Variants in ABCC11 observed in about 807,000 individuals in gnomAD.
The protein encoded by ABCC11 is ATP binding cassette subfamily C member 11.
In ABCC11, 135 loss-of-function variants were observed where a neutral mutation model predicts 149.3. That is an observed-to-expected ratio of 0.90 (90% CI 0.79 to 1.04). ABCC11 has a LOEUF of 1.04. Among genes scored for constraint, ABCC11 ranks in the 50% least tolerant of loss-of-function variants. The probability of loss-of-function intolerance (pLI) is 0.00; values close to 1 mark genes in which losing one functional copy is unlikely to be tolerated. For missense variants in ABCC11, 1,680 were observed against 1,722.1 expected (o/e 0.98, Z 0.43); for synonymous variants, 665 against 671.4 (o/e 0.99, Z 0.15).
intron 21 of ABCC11, 34 bp from the exon 22 acceptor site, chr16:48,187,124 G>A (rs764338896): frequency 4.6e-5 from 75 of 1,613,918 alleles, no homozygotes; most frequent in East Asian, 3.1e-4. Context: ...GACCTGGACC[G>A]TCCACCTCTG....
chr16:48,243,603 C>T (rs1005672186), intron 1 of ABCC11, among the ~76,000 whole-genome samples: 1 of 152,024 alleles, frequency 6.6e-6, no homozygotes, highest in African/African-American at 2.4e-5. Flanking sequence ...ATGTTAATTT[C>T]CTGGTTTTGA....
chr16:48,246,048 A>G (rs547820871), intron 1 of ABCC11, among the ~76,000 whole-genome samples: 8 of 152,076 alleles, frequency 5.3e-5, no homozygotes, highest in African/African-American at 7.2e-5. Flanking sequence ...TCTTGTGACT[A>G]TGTACATTTT....
intron 25 of ABCC11, 55 bp from the exon 26 acceptor site, chr16:48,175,472 G>A: frequency 6.4e-7 from 1 of 1,554,584 alleles, no homozygotes; most frequent in Non-Finnish European, 8.7e-7. Context: ...ACTAGCGGAA[G>A]CACAGATCGC....
Position 48,198,206 on chromosome 16 carries a change from C to T in ABCC11, c.2152G>A (p.Glu718Lys). Residue 718 changes from glutamate to lysine, a missense_variant, in exon 16 of 30, where the codon GAG becomes AAG. Physicochemically the swap from Glu to Lys is moderately conservative, Grantham distance 56. Transcript: ENST00000356608. The stretch of plus-strand genomic sequence containing the variant: ...TATTTCCCCTTTTTCTGCATTAACT[C>T]ACTGTGAGTTCCATTTTCACAGATT... ...GKICENGTHS[E>K]LMQKKGKYAQ... 1 of 1,614,186 alleles carries T rather than the reference C, an allele frequency of 6.2e-7. No individual in the cohort carries two copies. The highest frequency in any genetic ancestry group is 8.5e-7 in the Non-Finnish European group (1 of 1,180,044).
At position 48,178,631 on chromosome 16, in the gene ABCC11, A is replaced by T. The variant is rs750104703; in HGVS notation, c.3314T>A (p.Phe1105Tyr). 1.2e-5 allele frequency: 19 copies of T among 1,614,128 alleles called. No individual in the cohort carries two copies. The Admixed American group carries it at 3.2e-4, about 27-fold the overall frequency. ...CTGCAGTATCCTCTCTACAGCCGTG[A>T]ACTGTGCCTCTGTCTCCAAGCCAAT... ...ARIGLETEAQ[F>Y]TAVERILQYM... The change falls in exon 24 of 30, where the codon TTC becomes TAC. Residue 1105 changes from phenylalanine to tyrosine, a missense_variant. Transcript: ENST00000356608.
chr16:48,208,548 C>T (rs1435233279), intron 11 of ABCC11, 52 bp from the exon 12 acceptor site: 2 of 1,594,328 alleles, frequency 1.3e-6, no homozygotes, highest in African/African-American at 1.3e-5. Context: ...CCCTGGCATA[C>T]CCACCTGCCC....
At chr16:48,183,910 G>A (rs1293956885) in intron 23 of ABCC11, among the ~76,000 whole-genome samples, 2 of 152,210 alleles carry the variant, frequency 1.3e-5, no homozygotes, top group Admixed American at 6.5e-5. Context: ...CCAGAAGTCT[G>A]TTTCAAGTCT....
At chr16:48,224,821 G>A (rs113099408) in intron 4 of ABCC11, among the ~76,000 whole-genome samples, 19,842 of 152,072 alleles carry the variant, frequency 0.13, 1,585 homozygotes, top group African/African-American at 0.23. Flanking sequence ...TCAGGGGTTC[G>A]AGACCAGTCT....
Position 48,194,700 on chromosome 16 carries a change from G to A in ABCC11, c.2405-718C>T, listed in dbSNP as rs537099882. Among the ~76,000 whole-genome samples, 113 of 152,268 alleles carry A rather than the reference G, an allele frequency of 7.4e-4. 1 individual carries two copies. The highest frequency in any genetic ancestry group is 1.2e-3 in the Admixed American group (19 of 15,304). On this transcript the variant is annotated intron_variant, in intron 18 of 29. Coordinates refer to ENST00000356608, the MANE Select transcript of ABCC11 (RefSeq NM_001370497.1). ...GTTTTTTGTCCCTTTCACCATGTAA[G>A]GATACAACATTTATCCCCTCCAGGG... is the stretch of plus-strand genomic sequence containing the variant.
At chr16:48,224,794 G>A (rs957482861) in intron 4 of ABCC11, among the ~76,000 whole-genome samples, 1 of 152,138 alleles carries the variant, frequency 6.6e-6, no homozygotes, top group African/African-American at 2.4e-5. Flanking sequence ...AGGCTAAGGC[G>A]GGTGGATCAC....
rs372663240 is a variant in ABCC11, at chr16:48,229,489, G to A, written c.236+948C>T. Among the ~76,000 whole-genome samples, 102 of 123,310 alleles carry A rather than the reference G, an allele frequency of 8.3e-4. 2 individuals are homozygous for A. Among genetic ancestry groups the A allele is most frequent in the African/African-American group, 3.5e-3 (99 of 28,612 alleles). The allele number at this position is 123,310 out of a possible 152,430, so 80.9% of individuals were successfully genotyped here. A position where few individuals can be genotyped will look rare whatever the true frequency, so the allele number is the denominator to read the frequency against. The stretch of plus-strand genomic sequence containing the variant: ...TTTTTTTTTTTTGAGACGGAGGCTC[G>A]CTCTGTCACCCAGCCCGGACTGCGG... On this transcript the variant is annotated intron_variant, in intron 3 of 29. Coordinates refer to ENST00000356608, the MANE Select transcript of ABCC11 (RefSeq NM_001370497.1).
intron 1 of ABCC11, among the ~76,000 whole-genome samples, chr16:48,239,810 A>G (rs573455813): frequency 6.6e-6 from 1 of 152,340 alleles, no homozygotes; most frequent in African/African-American, 2.4e-5. Context: ...GAAGGAACTT[A>G]AACAAATTTA....
intron 14 of ABCC11, among the ~76,000 whole-genome samples, chr16:48,202,141 G>A (rs1367159351): frequency 6.6e-6 from 1 of 152,040 alleles, no homozygotes; most frequent in Non-Finnish European, 1.5e-5. Context: ...CTCTAGGCCG[G>A]GCACTAGTCA....
chr16:48,179,968 TG>T (rs1966324121), intron 23 of ABCC11, among the ~76,000 whole-genome samples: 1 of 152,168 alleles, frequency 6.6e-6, no homozygotes, highest in African/African-American at 2.4e-5. Context: ...TCAGAGAAGG[TG>T]GGCACCATGA....
At chr16:48,244,658 G>A in intron 1 of ABCC11, 1 of 1,314,300 alleles carries the variant, frequency 7.6e-7, no homozygotes, top group Non-Finnish European at 9.7e-7. Flanking sequence ...GGCGGGCGGC[G>A]CGGCCTCCTC....
At chr16:48,218,740 C>T (rs998679251) in intron 6 of ABCC11, among the ~76,000 whole-genome samples, 5 of 152,142 alleles carry the variant, frequency 3.3e-5, no homozygotes, top group Non-Finnish European at 7.4e-5. Context: ...TCTCAGTCTC[C>T]CTTGTCTGCC....
At chr16:48,171,011 G>A in intron 26 of ABCC11, 44 bp from the exon 27 acceptor site, 1 of 1,484,146 alleles carries the variant, frequency 6.7e-7, no homozygotes, top group Non-Finnish European at 9.4e-7. Context: ...CATCACCCAG[G>A]CTTTGAACAC....
chr16:48,181,848 C>T (rs557016985), intron 23 of ABCC11, among the ~76,000 whole-genome samples: 1 of 152,216 alleles, frequency 6.6e-6, no homozygotes, highest in South Asian at 2.1e-4. Flanking sequence ...CTCCTGACCT[C>T]GTGATCCACC....
At chr16:48,190,507 G>A (rs909037162) in intron 20 of ABCC11, among the ~76,000 whole-genome samples, 2 of 152,182 alleles carry the variant, frequency 1.3e-5, no homozygotes, top group African/African-American at 4.8e-5. Context: ...GGGACTACAG[G>A]CACAAGCCCC....
Sources: gnomAD v4.1 joint callset for allele counts (sites outside exome capture counted in the v4.1 genomes callset) on GRCh38, gnomAD v4.1.1 for gene constraint, MANE v1.5 for transcripts, NCBI Gene and HGNC (gene_info 2026-07-23, HGNC 2026-07-21) for gene names.